The following NTN1 variants were observed in gnomAD, a reference collection of about 807,000 sequenced individuals.
NTN1 encodes the protein netrin-1.
A neutral mutation model predicts 54.2 loss-of-function variants in NTN1; 11 were observed. The observed-to-expected ratio is 0.20, with a 90% CI of 0.13 to 0.34. The LOEUF (loss-of-function observed/expected upper bound fraction) is 0.34. Among genes scored for constraint, NTN1 ranks in the 10% least tolerant of loss-of-function variants. The pLI is 1.00. For synonymous variants in NTN1, 371 were observed against 382.0 expected (o/e 0.97, Z 0.33); for missense variants, 740 against 893.1 (o/e 0.83, Z 2.18).
chr17:9,077,257 A>G (rs146076844), intron 2 of NTN1, among the ~76,000 whole-genome samples: 1 of 152,296 alleles, frequency 6.6e-6, no homozygotes, highest in East Asian at 1.9e-4. Flanking sequence ...GGAAGTAGTG[A>G]TGTAGATTTT....
chr17:9,052,427 A>G (rs2091964112), intron 2 of NTN1, among the ~76,000 whole-genome samples: 1 of 152,206 alleles, frequency 6.6e-6, no homozygotes, highest in Admixed American at 6.5e-5. Context: ...ACAAAAAGGC[A>G]TGTGCAAGTG....
chr17:9,020,313 C>T (rs1597459860), upstream of NTN1, among the ~76,000 whole-genome samples: 1 of 152,248 alleles, frequency 6.6e-6, no homozygotes, highest in Non-Finnish European at 1.5e-5. Context: ...CCGTTCCAAA[C>T]TCTCGGCCCA....
intron 2 of NTN1, among the ~76,000 whole-genome samples, chr17:9,097,631 A>T (rs1220265541): frequency 6.6e-6 from 1 of 152,206 alleles, no homozygotes; most frequent in Non-Finnish European, 1.5e-5. Flanking sequence ...TCAAAAAACA[A>T]AAAAAGAAAA....
At chr17:9,097,965 G>T (rs566498106) in intron 2 of NTN1, among the ~76,000 whole-genome samples, 11,092 of 151,964 alleles carry the variant, frequency 0.073, 567 homozygotes, top group Middle Eastern at 0.15. Context: ...ACCTCCCCCC[G>T]AGAAAGAGAA....
chr17:9,031,844 C>G (rs1386465855), intron 2 of NTN1, among the ~76,000 whole-genome samples: 1 of 152,114 alleles, frequency 6.6e-6, no homozygotes, highest in Non-Finnish European at 1.5e-5. Context: ...CACCTGTAAT[C>G]CTAACTACTC....
At chr17:9,096,021 G>T (rs959764784) in intron 2 of NTN1, among the ~76,000 whole-genome samples, 1 of 151,916 alleles carries the variant, frequency 6.6e-6, no homozygotes, top group African/African-American at 2.4e-5. Context: ...GGTCTTGAAC[G>T]CCTGACCTCA....
At chr17:9,063,769 C>G (rs1039197595) in intron 2 of NTN1, among the ~76,000 whole-genome samples, 5 of 151,630 alleles carry the variant, frequency 3.3e-5, no homozygotes, top group Middle Eastern at 3.4e-3. Flanking sequence ...AGGATGGTCT[C>G]GATCTCCTGA....
intron 2 of NTN1, among the ~76,000 whole-genome samples, chr17:9,139,160 G>A (rs947485151): frequency 7.2e-5 from 11 of 152,174 alleles, no homozygotes; most frequent in African/African-American, 2.7e-4. Context: ...GGATTGGGAA[G>A]GTTGTGGGGG....
rs1029105046 is a variant in NTN1 at position 9,240,450 on chromosome 17, C to G, written c.*482C>G. The G allele has an allele frequency of 1.3e-5, 2 of 152,328 alleles. No homozygotes were observed. Among genetic ancestry groups the G allele is most frequent in the Non-Finnish European group, 2.9e-5 (2 of 68,130 alleles). The allele number at this position is 152,328 out of a possible 1,614,324, so 9.4% of individuals were successfully genotyped here. On this transcript the variant is annotated 3_prime_UTR_variant, in exon 7 of 7. Transcript: ENST00000173229. ...GTGTGGGCGGGGCGCGGAGCACCCA[C>G]CAAACCACCACCCGACACGCAGCCG...
At chr17:9,186,487 G>A (rs957623913) in intron 5 of NTN1, among the ~76,000 whole-genome samples, 2 of 152,226 alleles carry the variant, frequency 1.3e-5, no homozygotes, top group Admixed American at 6.5e-5. Flanking sequence ...CAGGGATCCC[G>A]GGTCCTCTCT....
At chr17:9,021,496 C>T (rs2091847480), upstream of NTN1, 1 of 151,912 alleles carries the variant, frequency 6.6e-6, no homozygotes, top group South Asian at 2.0e-4. Context: ...CCCCCGCGCT[C>T]CCCTCCGCCC....
chr17:9,130,452 G>T (rs561402071), intron 2 of NTN1, among the ~76,000 whole-genome samples: 1 of 152,106 alleles, frequency 6.6e-6, no homozygotes, highest in Non-Finnish European at 1.5e-5. Context: ...GAGAGGCCCC[G>T]TGTCTGTCCT....
chr17:9,114,162 A>ATAT (rs1180136945), intron 2 of NTN1, among the ~76,000 whole-genome samples: 28 of 84,240 alleles, frequency 3.3e-4, no homozygotes, highest in African/African-American at 1.0e-3. Flanking sequence ...AGAAAAAAAA[A>ATAT]AAAAATATAT....
At chr17:9,155,122 G>A (rs947754941) in intron 2 of NTN1, among the ~76,000 whole-genome samples, 3 of 152,146 alleles carry the variant, frequency 2.0e-5, no homozygotes, top group African/African-American at 4.8e-5. Flanking sequence ...CCAGAAGAAC[G>A]GCCTCCTTGA....
intron 2 of NTN1, among the ~76,000 whole-genome samples, chr17:9,153,907 G>T (rs545664482): frequency 6.6e-6 from 1 of 152,304 alleles, no homozygotes; most frequent in East Asian, 1.9e-4. Context: ...TTTTCTTTCA[G>T]ACAAGTGAGT....
At chr17:9,058,992 C>T (rs2091987964) in intron 2 of NTN1, among the ~76,000 whole-genome samples, 1 of 152,144 alleles carries the variant, frequency 6.6e-6, no homozygotes, top group Non-Finnish European at 1.5e-5. Context: ...GTCCTCCTTT[C>T]AACAATGGAG....
intron 6 of NTN1, among the ~76,000 whole-genome samples, chr17:9,236,755 G>A (rs1435556450): frequency 6.6e-6 from 1 of 152,192 alleles, no homozygotes; most frequent in Non-Finnish European, 1.5e-5. Flanking sequence ...TACCTTTCAG[G>A]GCTTTGCCCT....
At chr17:9,023,675 A>G (rs1328873845) in intron 2 of NTN1, among the ~76,000 whole-genome samples, 4 of 152,266 alleles carry the variant, frequency 2.6e-5, no homozygotes, top group African/African-American at 9.6e-5. Flanking sequence ...GGTCTCCGCT[A>G]ACCCTGGATC....
In NTN1 at chr17:9,083,434, A is replaced by G. The variant is rs8064306; in HGVS notation, c.1018+60043A>G. Among the ~76,000 whole-genome samples, 977 of 152,322 alleles carry G rather than the reference A, an allele frequency of 6.4e-3. 11 individuals are homozygous for G. The highest frequency in any genetic ancestry group is 0.023 in the African/African-American group (940 of 41,580). On this transcript the variant is annotated intron_variant, in intron 2 of 6. Transcript: ENST00000173229. ...TTTGTAATCCAGTCAGGATGATTCC[A>G]TGCTCCTTGCCACGTGATTGATCAA...
Sources: allele counts gnomAD v4.1 joint callset (sites outside exome capture counted in the v4.1 genomes callset), GRCh38; gene constraint gnomAD v4.1.1; transcripts MANE v1.5; gene names NCBI Gene and HGNC (gene_info 2026-07-23, HGNC 2026-07-21).